KCND2: variants seen among roughly 807,000 people sequenced by gnomAD.
KCND2 encodes potassium voltage-gated channel subfamily D member 2, also known as A-type voltage-gated potassium channel KCND2.
KCND2 carries 16 observed loss-of-function variants against 54.4 expected under a neutral mutation model. The observed-to-expected ratio is 0.29, with a 90% CI of 0.20 to 0.45. The LOEUF (loss-of-function observed/expected upper bound fraction) is 0.45. Ranked by LOEUF, KCND2 falls within the 20% of genes least tolerant of loss-of-function variation. KCND2 has a pLI of 1.00. For missense variants in KCND2, 486 were observed against 824.2 expected, an observed-to-expected ratio of 0.59 and a Z score of 5.02; for synonymous variants, 317 against 310.7, an observed-to-expected ratio of 1.02 and a Z score of -0.21.
chr7:120,425,326 T>C (rs894742630), intron 1 of KCND2, among the ~76,000 whole-genome samples: 3 of 152,186 alleles, frequency 2.0e-5, no homozygotes, highest in Admixed American at 2.0e-4. Context: ...AAATATAACA[T>C]GCACATGCAC....
At chr7:120,607,538 C>T (rs1034703919) in intron 1 of KCND2, among the ~76,000 whole-genome samples, 3 of 152,064 alleles carry the variant, frequency 2.0e-5, no homozygotes, top group Non-Finnish European at 4.4e-5. Flanking sequence ...CGTACATACA[C>T]CATCAAATGT....
chr7:120,532,786 A>C (rs956179497), intron 1 of KCND2, among the ~76,000 whole-genome samples: 1 of 152,044 alleles, frequency 6.6e-6, no homozygotes, highest in African/African-American at 2.4e-5. Flanking sequence ...TCTGAGTTAT[A>C]TGTAAAATAA....
chr7:120,461,560 G>T (rs936339656), intron 1 of KCND2, among the ~76,000 whole-genome samples: 8 of 151,918 alleles, frequency 5.3e-5, no homozygotes, highest in African/African-American at 1.9e-4. Flanking sequence ...TTCACCATGT[G>T]TATGATTTGA....
At chr7:120,557,322 T>C (rs1792178032) in intron 1 of KCND2, among the ~76,000 whole-genome samples, 1 of 152,092 alleles carries the variant, frequency 6.6e-6, no homozygotes, top group Non-Finnish European at 1.5e-5. Flanking sequence ...ATTTTGAAAT[T>C]TACAAGAGAT....
At chr7:120,724,116 G>A (rs1792702771) in intron 1 of KCND2, among the ~76,000 whole-genome samples, 1 of 152,116 alleles carries the variant, frequency 6.6e-6, no homozygotes, top group Non-Finnish European at 1.5e-5. Context: ...ATTTATTTAA[G>A]CAATAAATAT....
At chr7:120,487,484 A>G (rs1197445891) in intron 1 of KCND2, among the ~76,000 whole-genome samples, 1 of 152,180 alleles carries the variant, frequency 6.6e-6, no homozygotes, top group African/African-American at 2.4e-5. Flanking sequence ...GGGAAATAGA[A>G]TGAAATAAAA....
intron 1 of KCND2, among the ~76,000 whole-genome samples, chr7:120,459,549 C>G (rs1802252058): frequency 6.6e-6 from 1 of 152,088 alleles, no homozygotes; most frequent in African/African-American, 2.4e-5. Context: ...CTTTGTATAA[C>G]TCCTCCTTTA....
intron 1 of KCND2, among the ~76,000 whole-genome samples, chr7:120,590,219 A>G (rs1239260769): frequency 1.3e-5 from 2 of 152,046 alleles, no homozygotes; most frequent in African/African-American, 2.4e-5. Flanking sequence ...GGGTTTCACC[A>G]TATTGGCCCC....
chr7:120,681,437 A>G (rs1049872006), intron 1 of KCND2, among the ~76,000 whole-genome samples: 2 of 151,992 alleles, frequency 1.3e-5, no homozygotes, highest in Non-Finnish European at 2.9e-5. Flanking sequence ...AACTAAACAC[A>G]TGTGCTCTGT....
At chr7:120,333,350 G>T (rs1459273751) in intron 1 of KCND2, among the ~76,000 whole-genome samples, 3 of 152,068 alleles carry the variant, frequency 2.0e-5, no homozygotes, top group Middle Eastern at 6.3e-3. Flanking sequence ...ATGAGTTTTT[G>T]CTACTTGGCC....
intron 1 of KCND2, among the ~76,000 whole-genome samples, chr7:120,395,619 G>A (rs559424708): frequency 7.9e-5 from 12 of 152,128 alleles, no homozygotes; most frequent in Middle Eastern, 3.4e-3. Flanking sequence ...CTGTTGGCAC[G>A]TGTATTTATA....
chr7:120,282,299 G>A (rs2116257935), intron 1 of KCND2, among the ~76,000 whole-genome samples: 1 of 152,058 alleles, frequency 6.6e-6, no homozygotes. Context: ...TTTTCATCCA[G>A]GTTTTCTCAT....
At chr7:120,526,947 AT>A (rs752385565) in intron 1 of KCND2, among the ~76,000 whole-genome samples, 3 of 152,110 alleles carry the variant, frequency 2.0e-5, no homozygotes, top group Non-Finnish European at 4.4e-5. Context: ...ATGACATAAA[AT>A]ATTTGACTTT....
chr7:120,472,088 A>G (rs925434110), intron 1 of KCND2, among the ~76,000 whole-genome samples: 3 of 151,836 alleles, frequency 2.0e-5, no homozygotes, highest in Admixed American at 6.6e-5. Context: ...TATTCCAACT[A>G]TATAGTTTGG....
At chr7:120,392,823 G>A (rs532302913) in intron 1 of KCND2, among the ~76,000 whole-genome samples, 9 of 151,922 alleles carry the variant, frequency 5.9e-5, no homozygotes, top group African/African-American at 1.9e-4. Context: ...AATATATTTA[G>A]GATGGTAAAA....
intron 1 of KCND2, among the ~76,000 whole-genome samples, chr7:120,487,630 G>A (rs1279658022): frequency 1.3e-5 from 2 of 152,132 alleles, no homozygotes; most frequent in East Asian, 3.9e-4. Flanking sequence ...CCAGGTGGGA[G>A]GTCCAAATGC....
At chr7:120,423,195 CA>C (rs1801652746) in intron 1 of KCND2, among the ~76,000 whole-genome samples, 1 of 152,192 alleles carries the variant, frequency 6.6e-6, no homozygotes, top group African/African-American at 2.4e-5. Context: ...TTCTCTGTTC[CA>C]GCCACCTTTC....
At chr7:120,320,526 C>A (rs138338962) in intron 1 of KCND2, among the ~76,000 whole-genome samples, 109 of 152,258 alleles carry the variant, frequency 7.2e-4, no homozygotes, top group African/African-American at 2.6e-3. Flanking sequence ...TACAAAAGGA[C>A]TTTCACTTTA....
chr7:120,564,129 G>A (rs1221680475), intron 1 of KCND2, among the ~76,000 whole-genome samples: 1 of 151,940 alleles, frequency 6.6e-6, no homozygotes, highest in Non-Finnish European at 1.5e-5. Flanking sequence ...GTAAAAGCAT[G>A]GAATTACAGA....
Sources: gnomAD v4.1 joint callset for allele counts (sites outside exome capture counted in the v4.1 genomes callset) on GRCh38, gnomAD v4.1.1 for gene constraint, MANE v1.5 for transcripts, NCBI Gene and HGNC (gene_info 2026-07-23, HGNC 2026-07-21) for gene names.